Variants in NSMCE1 observed in about 807,000 individuals in gnomAD.
The protein encoded by NSMCE1 is non-structural maintenance of chromosomes element 1 homolog.
A neutral mutation model predicts 29.6 loss-of-function variants in NSMCE1; 18 were observed. That is an observed-to-expected ratio of 0.61 (90% CI 0.42 to 0.90). The LOEUF is 0.90. Ranked by LOEUF, NSMCE1 falls within the 40% of genes least tolerant of loss-of-function variation. The pLI, the probability that NSMCE1 is intolerant of heterozygous loss-of-function variation, is 0.00. For missense variants in NSMCE1, 314 were observed against 343.6 expected (o/e 0.91, Z 0.68); for synonymous variants, 124 against 133.4 (o/e 0.93, Z 0.49).
chr16:27,231,047 G>C (rs532206378), intron 5 of NSMCE1, among the ~76,000 whole-genome samples: 10 of 152,386 alleles, frequency 6.6e-5, no homozygotes, highest in African/African-American at 2.2e-4. Flanking sequence ...GCTCTTGGGT[G>C]CAAAGCAGGG....
chr16:27,247,908 C>T (rs1040191110), intron 2 of NSMCE1, among the ~76,000 whole-genome samples: 11 of 147,878 alleles, frequency 7.4e-5, no homozygotes, highest in Admixed American at 6.8e-5. Context: ...GCCTGGGCGA[C>T]AGAGCAAGAC....
At chr16:27,256,271 G>A (rs1460994587) in intron 2 of NSMCE1, among the ~76,000 whole-genome samples, 1 of 152,182 alleles carries the variant, frequency 6.6e-6, no homozygotes, top group Non-Finnish European at 1.5e-5. Flanking sequence ...GTGACAACCA[G>A]TAGACTACAC....
chr16:27,231,022 T>C (rs563215732), intron 5 of NSMCE1, among the ~76,000 whole-genome samples: 15 of 152,322 alleles, frequency 9.8e-5, no homozygotes, highest in African/African-American at 2.6e-4. Context: ...GGTGGCAGCA[T>C]GTGCTAGGCA....
chr16:27,250,843 GTTT>G (rs200523800), intron 2 of NSMCE1, among the ~76,000 whole-genome samples: 1 of 122,844 alleles, frequency 8.1e-6, no homozygotes. Flanking sequence ...AATTTTAACT[GTTT>G]TTTTTTTTTT....
chr16:27,227,611 T>C (rs921605802), intron 5 of NSMCE1, among the ~76,000 whole-genome samples: 2 of 152,208 alleles, frequency 1.3e-5, no homozygotes, highest in Non-Finnish European at 2.9e-5. Context: ...CATGGACCCA[T>C]GCAGGCTGAT....
chr16:27,234,939 G>A (rs140850956), intron 3 of NSMCE1, among the ~76,000 whole-genome samples: 1,653 of 152,314 alleles, frequency 0.011, 18 homozygotes, highest in Middle Eastern at 0.061. Flanking sequence ...ACCACTGAAG[G>A]CCCCACCCAC....
At chr16:27,227,651 C>T (rs376327797) in intron 5 of NSMCE1, among the ~76,000 whole-genome samples, 3 of 152,198 alleles carry the variant, frequency 2.0e-5, no homozygotes, top group Non-Finnish European at 4.4e-5. Context: ...GCTCATGCAT[C>T]GGATATGAAC....
At chr16:27,262,948 C>G (rs2141012164) in intron 1 of NSMCE1, among the ~76,000 whole-genome samples, 1 of 152,274 alleles carries the variant, frequency 6.6e-6, no homozygotes, top group East Asian at 1.9e-4. Context: ...GAAAAAAAAG[C>G]TCAGTATCAC....
At chr16:27,251,189 T>TATATATATATATATATATATAAAA (rs1459861130) in intron 2 of NSMCE1, among the ~76,000 whole-genome samples, 12 of 58,826 alleles carry the variant, frequency 2.0e-4, no homozygotes, top group African/African-American at 1.1e-3. Flanking sequence ...TATATATATA[T>TATATATATATATATATATATAAAA]AAATATATAT....
At chr16:27,241,848 G>A (rs540393163) in intron 2 of NSMCE1, 3 of 455,312 alleles carry the variant, frequency 6.6e-6, no homozygotes, top group African/African-American at 4.0e-5. Flanking sequence ...AGAAAGGATC[G>A]CTGCTTCTCT....
chr16:27,256,375 C>A (rs1030144295), intron 2 of NSMCE1, among the ~76,000 whole-genome samples: 1 of 152,142 alleles, frequency 6.6e-6, no homozygotes, highest in Non-Finnish European at 1.5e-5. Flanking sequence ...AGTGAAGGGT[C>A]CTGTGATCTC....
chr16:27,262,986 C>T (rs1032933090), intron 1 of NSMCE1, among the ~76,000 whole-genome samples: 4 of 152,056 alleles, frequency 2.6e-5, no homozygotes, highest in Non-Finnish European at 4.4e-5. Flanking sequence ...CAAATCAAAA[C>T]CACAATGAGA....
At chr16:27,256,967 T>A (rs1181648214) in intron 2 of NSMCE1, among the ~76,000 whole-genome samples, 2 of 152,208 alleles carry the variant, frequency 1.3e-5, no homozygotes, top group African/African-American at 2.4e-5. Flanking sequence ...TCCTCCCACC[T>A]TGATTCCCAG....
rs1180237069 is a variant in NSMCE1 at position 27,256,995 on chromosome 16, G to A, written c.136+440C>T. On this transcript the variant is annotated intron_variant, in intron 2 of 7. Transcript: ENST00000361439. ...ATTCCCAGAGTGCAGGGATAACAGC[G>A]TGAGCCACCGCACCCAGCCAAGCTG... 5.9e-5 allele frequency among the ~76,000 whole-genome samples: 9 copies of A among 152,130 alleles called. No individual in the cohort carries two copies. The East Asian group carries it at 7.7e-4, about 13-fold the overall frequency.
intron 1 of NSMCE1, among the ~76,000 whole-genome samples, chr16:27,262,287 A>C (rs960799092): frequency 1.3e-5 from 2 of 152,102 alleles, no homozygotes; most frequent in Non-Finnish European, 2.9e-5. Flanking sequence ...ACAGAGCCTG[A>C]ATAGCGAAAG....
chr16:27,235,096 T>C (rs989645112), intron 3 of NSMCE1, 82 bp downstream of exon 3: 41 of 1,407,738 alleles, frequency 2.9e-5, no homozygotes, highest in South Asian at 3.8e-5. Flanking sequence ...AAAAGAGAAA[T>C]CAAACCAAAG....
At chr16:27,242,744 T>G (rs1005563545) in intron 2 of NSMCE1, among the ~76,000 whole-genome samples, 1 of 152,204 alleles carries the variant, frequency 6.6e-6, no homozygotes, top group Non-Finnish European at 1.5e-5. Context: ...TTCATACACA[T>G]TTCATCTAAT....
chr16:27,233,174 C>A, intron 4 of NSMCE1, 27 bp from the exon 5 acceptor site: 1 of 1,598,028 alleles, frequency 6.3e-7, no homozygotes, highest in South Asian at 1.1e-5. Context: ...GTATCATGCT[C>A]ATCTATTAAA....
chr16:27,258,110 T>C (rs2084107603), intron 1 of NSMCE1: 1 of 152,248 alleles, frequency 6.6e-6, no homozygotes, highest in African/African-American at 2.4e-5. Flanking sequence ...AGTTCATTAC[T>C]GAGAGAACTA....
Sources: gnomAD v4.1 joint callset for allele counts (sites outside exome capture counted in the v4.1 genomes callset) on GRCh38, gnomAD v4.1.1 for gene constraint, MANE v1.5 for transcripts, NCBI Gene and HGNC (gene_info 2026-07-23, HGNC 2026-07-21) for gene names.